CSMD2: variants seen among roughly 807,000 people sequenced by gnomAD.
CSMD2 encodes the protein CUB and sushi domain-containing protein 2.
CSMD2 carries 130 observed loss-of-function variants against 398.5 expected under a neutral mutation model. The observed-to-expected ratio is 0.33, with a 90% CI of 0.28 to 0.38. The LOEUF is 0.38. Ranked by LOEUF, CSMD2 falls within the 10% of genes least tolerant of loss-of-function variation. The probability of loss-of-function intolerance (pLI) is 1.00; values close to 1 mark genes in which losing one functional copy is unlikely to be tolerated. For missense variants in CSMD2, 3,829 were observed against 4,764.9 expected (o/e 0.80, Z 5.78); for synonymous variants, 1,828 against 1,908.5 (o/e 0.96, Z 1.10).
intron 3 of CSMD2, among the ~76,000 whole-genome samples, chr1:34,006,137 C>A (rs904938095): frequency 2.6e-5 from 4 of 152,166 alleles, no homozygotes; most frequent in African/African-American, 9.7e-5. Context: ...AGAACTCCAG[C>A]CCATCTTGGT....
At chr1:33,697,608 T>G (rs1462245020) in intron 24 of CSMD2, among the ~76,000 whole-genome samples, 1 of 152,234 alleles carries the variant, frequency 6.6e-6, no homozygotes, top group Non-Finnish European at 1.5e-5. Context: ...CAGTCTAGAA[T>G]GTCAACCTCC....
At chr1:34,152,732 A>G (rs894103144) in intron 1 of CSMD2, among the ~76,000 whole-genome samples, 1 of 152,216 alleles carries the variant, frequency 6.6e-6, no homozygotes, top group Non-Finnish European at 1.5e-5. Context: ...TACATATAAC[A>G]TAAGTGTGCA....
At chr1:33,751,213 A>G (rs1369235124) in intron 13 of CSMD2, among the ~76,000 whole-genome samples, 1 of 152,174 alleles carries the variant, frequency 6.6e-6, no homozygotes, top group African/African-American at 2.4e-5. Flanking sequence ...TTGGGAAAAA[A>G]AAAAAAGATG....
chr1:33,696,859 T>C (rs1645435866), intron 24 of CSMD2, among the ~76,000 whole-genome samples: 1 of 152,162 alleles, frequency 6.6e-6, no homozygotes, highest in Admixed American at 6.5e-5. Context: ...GCTGCTTTGT[T>C]TGGGCTGCAG....
At chr1:33,607,255 T>C (rs1640676539) in intron 41 of CSMD2, among the ~76,000 whole-genome samples, 1 of 152,146 alleles carries the variant, frequency 6.6e-6, no homozygotes, top group Non-Finnish European at 1.5e-5. Flanking sequence ...ACTAAGAACT[T>C]GATGGGAATC....
intron 6 of CSMD2, among the ~76,000 whole-genome samples, chr1:33,826,583 C>T (rs776033908): frequency 2.6e-5 from 4 of 152,190 alleles, no homozygotes; most frequent in Non-Finnish European, 5.9e-5. Flanking sequence ...GGGCCTGACT[C>T]AAGTGGGTGC....
At chr1:34,156,899 G>A (rs937587569) in intron 1 of CSMD2, among the ~76,000 whole-genome samples, 4 of 152,178 alleles carry the variant, frequency 2.6e-5, no homozygotes, top group African/African-American at 9.7e-5. Flanking sequence ...AAGTAAGAGA[G>A]TCTCTAGGAG....
intron 10 of CSMD2, among the ~76,000 whole-genome samples, chr1:33,803,518 T>C (rs1655857979): frequency 6.6e-6 from 1 of 152,214 alleles, no homozygotes; most frequent in Admixed American, 6.5e-5. Flanking sequence ...TCATCATTCA[T>C]CTGTTCATGG....
chr1:33,580,959 G>A (rs906667103), intron 47 of CSMD2, 60 bp from the exon 48 acceptor site: 2 of 1,575,568 alleles, frequency 1.3e-6, no homozygotes, highest in African/African-American at 2.7e-5. Flanking sequence ...AGCCTCCAGG[G>A]AAGACCTCAG....
At chr1:34,135,616 CAAAAAAAAAAAAAAAAA>C (rs55936483) in intron 1 of CSMD2, among the ~76,000 whole-genome samples, 4 of 82,618 alleles carry the variant, frequency 4.8e-5, no homozygotes, top group Admixed American at 1.4e-4. Flanking sequence ...GACTCCATCT[CAAAAAAAAAAAAAAAAA>C]AAAAAAAAAA....
In CSMD2 at chr1:33,965,240, G is replaced by T. The variant is rs574378204; in HGVS notation, c.518-29286C>A. Among the ~76,000 whole-genome samples, 6 of 152,240 alleles carry T rather than the reference G, an allele frequency of 3.9e-5. No homozygotes were observed. The South Asian group carries it at 1.2e-3, about 32-fold the overall frequency. On this transcript the variant is annotated intron_variant, in intron 3 of 70. Coordinates refer to ENST00000373381, the MANE Select transcript of CSMD2 (RefSeq NM_001281956.2). Reference sequence around the variant, plus strand: ...CTCCTGCTTCCCACTTTCCACAGAGGGCCTCTTGGGGGAAGGCCTGATAAA... The same window carrying T: ...CTCCTGCTTCCCACTTTCCACAGAGTGCCTCTTGGGGGAAGGCCTGATAAA...
chr1:33,849,757 C>T (rs374026633), intron 5 of CSMD2, among the ~76,000 whole-genome samples: 8 of 150,392 alleles, frequency 5.3e-5, no homozygotes, highest in African/African-American at 2.0e-4. Flanking sequence ...AGTGAGACCC[C>T]ATTTTATTTA....
chr1:33,755,583 C>G (rs1648868803), intron 13 of CSMD2, among the ~76,000 whole-genome samples: 1 of 152,172 alleles, frequency 6.6e-6, no homozygotes, highest in Non-Finnish European at 1.5e-5. Context: ...ACATGTATGT[C>G]CTCCTAGATT....
chr1:34,147,202 G>A (rs2148542491), intron 1 of CSMD2, among the ~76,000 whole-genome samples: 1 of 152,242 alleles, frequency 6.6e-6, no homozygotes, highest in Non-Finnish European at 1.5e-5. Flanking sequence ...AGCTTGCAGT[G>A]AGCCGAGATC....
At chr1:33,704,570 A>G (rs984705815) in intron 22 of CSMD2, among the ~76,000 whole-genome samples, 2 of 152,234 alleles carry the variant, frequency 1.3e-5, no homozygotes, top group African/African-American at 4.8e-5. Flanking sequence ...GTGTATTAGC[A>G]GGATAATGTC....
At chr1:34,122,822 C>T (rs911180140) in intron 1 of CSMD2, among the ~76,000 whole-genome samples, 1 of 152,180 alleles carries the variant, frequency 6.6e-6, no homozygotes, top group African/African-American at 2.4e-5. Context: ...GACAGAGAGG[C>T]CCACTAGAGG....
chr1:33,856,478 G>A (rs1045010119), intron 5 of CSMD2, among the ~76,000 whole-genome samples: 1 of 152,176 alleles, frequency 6.6e-6, no homozygotes, highest in Non-Finnish European at 1.5e-5. Flanking sequence ...CCTGCTTCCT[G>A]CCATAGAGGG....
chr1:33,723,641 A>G (rs963313430), intron 19 of CSMD2, among the ~76,000 whole-genome samples: 1 of 152,228 alleles, frequency 6.6e-6, no homozygotes, highest in Non-Finnish European at 1.5e-5. Context: ...GAAAGATGGC[A>G]TCAGGGGAGG....
chr1:34,019,105 C>T (rs1247096425), intron 3 of CSMD2, among the ~76,000 whole-genome samples: 1 of 152,162 alleles, frequency 6.6e-6, no homozygotes, highest in Non-Finnish European at 1.5e-5. Context: ...ATAATAGGGC[C>T]TACCTCAAAG....
Sources: gnomAD v4.1 joint callset for allele counts (sites outside exome capture counted in the v4.1 genomes callset) on GRCh38, gnomAD v4.1.1 for gene constraint, MANE v1.5 for transcripts, NCBI Gene and HGNC (gene_info 2026-07-23, HGNC 2026-07-21) for gene names.